Variants in INPP5B observed in about 807,000 individuals in gnomAD.
INPP5B encodes the protein inositol polyphosphate-5-phosphatase B.
INPP5B carries 90 observed loss-of-function variants against 118.5 expected under a neutral mutation model. That is an observed-to-expected ratio of 0.76 (90% CI 0.64 to 0.90). The LOEUF (loss-of-function observed/expected upper bound fraction) is 0.90. Among genes scored for constraint, INPP5B ranks in the 40% least tolerant of loss-of-function variants. The pLI, the probability that INPP5B is intolerant of heterozygous loss-of-function variation, is 0.00. For missense variants in INPP5B, 984 were observed against 1,125.6 expected, an observed-to-expected ratio of 0.87 and a Z score of 1.80; for synonymous variants, 385 against 418.9, an observed-to-expected ratio of 0.92 and a Z score of 0.99.
chr1:37,931,659 G>T lies in INPP5B; in HGVS notation c.532+254C>A, dbSNP rs766199659. 4.0e-6 allele frequency: 6 copies of T among 1,518,760 alleles called. No homozygotes were observed. In the East Asian group the frequency reaches 1.2e-4, roughly 31 times the overall value. 94.1% of individuals were successfully genotyped at this position (1,518,760 alleles called of 1,614,324 possible). On this transcript the variant is annotated intron_variant, in intron 7 of 23. Transcript: ENST00000373024. Reference sequence around the variant, plus strand: ...GCCCAGCTCCCCAGCCCAGCTTCCCGCCGCCCGCCGAACCTGCAGTGTTGC... The same window carrying T: ...GCCCAGCTCCCCAGCCCAGCTTCCCTCCGCCCGCCGAACCTGCAGTGTTGC...
At position 37,880,789 on chromosome 1, in the gene INPP5B, G is replaced by A. The variant is rs566067338; in HGVS notation, c.1432-595C>T. Among the ~76,000 whole-genome samples, 159 of 152,154 alleles carry A rather than the reference G, an allele frequency of 1.0e-3. 1 individual carries two copies. Among genetic ancestry groups the A allele is most frequent in the African/African-American group, 3.6e-3 (151 of 41,520 alleles). On this transcript the variant is annotated intron_variant, in intron 14 of 23. Transcript: ENST00000373024. ...CACCCAGGCTGGAGTGCCATTGTGC[G>A]ACCATAGCTCACTACAGCCTCCATC...
At chr1:37,873,751 A>C (rs947218644) in intron 18 of INPP5B, among the ~76,000 whole-genome samples, 1 of 152,202 alleles carries the variant, frequency 6.6e-6, no homozygotes, top group African/African-American at 2.4e-5. Context: ...CAGCAATTTT[A>C]TGTTTTCTCT....
intron 7 of INPP5B, among the ~76,000 whole-genome samples, chr1:37,910,443 C>T (rs1644656534): frequency 6.6e-6 from 1 of 152,108 alleles, no homozygotes; most frequent in South Asian, 2.1e-4. Flanking sequence ...TTCTGCTTCC[C>T]TGACTATTCC....
At chr1:37,870,490 C>G (rs1426814118) in intron 19 of INPP5B, among the ~76,000 whole-genome samples, 2 of 152,206 alleles carry the variant, frequency 1.3e-5, no homozygotes, top group East Asian at 3.8e-4. Context: ...AACCTAATCC[C>G]TCATGTGATG....
chr1:37,926,203 A>G (rs1449540721), intron 7 of INPP5B, among the ~76,000 whole-genome samples: 1 of 152,212 alleles, frequency 6.6e-6, no homozygotes, highest in African/African-American at 2.4e-5. Flanking sequence ...TTTCACTGGC[A>G]TGACAGACTT....
At chr1:37,873,907 A>G (rs1642628671) in intron 18 of INPP5B, 86 bp downstream of exon 18, 1 of 1,099,578 alleles carries the variant, frequency 9.1e-7, no homozygotes, top group Non-Finnish European at 1.2e-6. Flanking sequence ...ACACTCAAGC[A>G]AAAAGCTCAT....
chr1:37,932,097 G>A, intron 6 of INPP5B, 44 bp from the exon 7 acceptor site: 1 of 1,514,924 alleles, frequency 6.6e-7, no homozygotes, highest in Non-Finnish European at 8.8e-7. Flanking sequence ...CGAGCTTGAA[G>A]AGCCGGCTCT....
intron 8 of INPP5B, 88 bp downstream of exon 8, chr1:37,891,270 G>A: frequency 1.1e-6 from 1 of 902,460 alleles, no homozygotes; most frequent in Non-Finnish European, 1.7e-6. Flanking sequence ...GCTACCCTGG[G>A]ACAACTTACA....
chr1:37,875,550 G>A, intron 17 of INPP5B, 56 bp downstream of exon 17: 1 of 1,372,046 alleles, frequency 7.3e-7, no homozygotes, highest in Non-Finnish European at 1.0e-6. Context: ...TTACAGGCGT[G>A]AGCCACTGCA....
chr1:37,881,689 G>A (rs1003614132), intron 14 of INPP5B, among the ~76,000 whole-genome samples: 1 of 152,116 alleles, frequency 6.6e-6, no homozygotes, highest in Admixed American at 6.6e-5. Flanking sequence ...AGTAGAGATG[G>A]GTATCAAACT....
At chr1:37,881,620 T>C (rs188508909) in intron 14 of INPP5B, among the ~76,000 whole-genome samples, 9 of 152,248 alleles carry the variant, frequency 5.9e-5, no homozygotes, top group African/African-American at 2.2e-4. Context: ...AACCATGTGG[T>C]AGGCAGATAA....
In INPP5B at chr1:37,927,593, G is replaced by A. The variant is rs1238191564; in HGVS notation, c.532+4320C>T. ...GCTCTGTCACCAAGGCTGGAGTCCA[G>A]TGGCGCAATCTCAGCTCACTGCAAG... On this transcript the variant is annotated intron_variant, in intron 7 of 23. Transcript: ENST00000373024. 2.7e-5 allele frequency among the ~76,000 whole-genome samples: 4 copies of A among 149,560 alleles called. No individual in the cohort carries two copies. The South Asian group carries it at 6.3e-4, about 24-fold the overall frequency.
intron 21 of INPP5B, 53 bp downstream of exon 21, chr1:37,866,406 T>TCTCTCACACACACACACACACACA: frequency 2.5e-6 from 1 of 402,468 alleles, no homozygotes. Flanking sequence ...TCTCTCTCTC[T>TCTCTCACACACACACACACACACA]CACACACACA....
intron 6 of INPP5B, among the ~76,000 whole-genome samples, chr1:37,936,985 GATA>G (rs1470545421): frequency 6.6e-6 from 1 of 151,972 alleles, no homozygotes; most frequent in Non-Finnish European, 1.5e-5. Flanking sequence ...TGGACACATC[GATA>G]ATACTTCCCT....
intron 5 of INPP5B, chr1:37,941,952 A>ATATATATAT (rs1645936376): frequency 3.3e-5 from 1 of 30,512 alleles, no homozygotes; most frequent in South Asian, 8.3e-4. Flanking sequence ...AAAAAAAAAA[A>ATATATATAT]AAAAAAATAT....
chr1:37,887,846 A>G (rs1643627249), intron 10 of INPP5B, among the ~76,000 whole-genome samples: 1 of 136,232 alleles, frequency 7.3e-6, no homozygotes, highest in South Asian at 2.5e-4. Flanking sequence ...AATGCCCAGT[A>G]TAGAGATGAG....
intron 11 of INPP5B, 42 bp from the exon 12 acceptor site, chr1:37,887,046 G>A: frequency 6.6e-7 from 1 of 1,518,150 alleles, no homozygotes; most frequent in South Asian, 1.1e-5. Context: ...ATTGCAAACA[G>A]GAATAAATAC....
chr1:37,941,695 T>C (rs1389668988), intron 5 of INPP5B, among the ~76,000 whole-genome samples: 2 of 149,320 alleles, frequency 1.3e-5, no homozygotes, highest in South Asian at 2.1e-4. Flanking sequence ...TCCCAGCACT[T>C]TGGGAGGCCG....
At position 37,918,923 on chromosome 1, in the gene INPP5B, C is replaced by T. The variant is rs1030594273; in HGVS notation, c.532+12990G>A. 4.6e-5 allele frequency among the ~76,000 whole-genome samples: 7 copies of T among 152,116 alleles called. No homozygotes were observed. The East Asian group carries it at 5.8e-4, about 13-fold the overall frequency. On this transcript the variant is annotated intron_variant, in intron 7 of 23. Coordinates refer to ENST00000373024, the MANE Select transcript of INPP5B (RefSeq NM_005540.3). ...AAGTACCTCTCATAGTTAGGTAATA[C>T]GTTCAATGCTTCATGCATTGTGTCT...
Sources: allele counts gnomAD v4.1 joint callset (sites outside exome capture counted in the v4.1 genomes callset), GRCh38; gene constraint gnomAD v4.1.1; transcripts MANE v1.5; gene names NCBI Gene and HGNC (gene_info 2026-07-23, HGNC 2026-07-21).